CEP63: variants seen among roughly 807,000 people sequenced by gnomAD.
CEP63 encodes centrosomal protein 63.
Under a neutral mutation model 89.1 loss-of-function variants are expected in CEP63, and 84 were observed. The ratio of observed to expected loss-of-function variants is 0.94; its 90% CI spans 0.79 to 1.13. The LOEUF is 1.13. Ranked by LOEUF, CEP63 falls within the 50% of genes most tolerant of loss-of-function variation. The pLI, the probability that CEP63 is intolerant of heterozygous loss-of-function variation, is 0.00. For missense variants in CEP63, 838 were observed against 813.3 expected (o/e 1.03, Z -0.37); for synonymous variants, 267 against 272.5 (o/e 0.98, Z 0.20).
the CEP63 span, among the ~76,000 whole-genome samples, chr3:134,726,297 C>A: frequency 8.5e-5 from 13 of 152,152 alleles, no homozygotes; most frequent in Non-Finnish European, 1.6e-4. Context: ...TTTCTGGGCG[C>A]CACCAGGCCA....
intron 1 of CEP63, among the ~76,000 whole-genome samples, chr3:134,489,158 C>CA (rs765548189): frequency 0.018 from 1,081 of 60,048 alleles, 12 homozygotes; most frequent in East Asian, 0.034. Flanking sequence ...GAGACTGTCT[C>CA]AAAAAAAAAA....
downstream of CEP63, among the ~76,000 whole-genome samples, chr3:134,566,918 A>G (rs1459840282): frequency 6.6e-6 from 1 of 152,234 alleles, no homozygotes; most frequent in African/African-American, 2.4e-5. Flanking sequence ...AATCCTAAAT[A>G]TATGCTCAAG....
At chr3:134,733,940 G>A in the CEP63 span, among the ~76,000 whole-genome samples, 1 of 152,036 alleles carries the variant, frequency 6.6e-6, no homozygotes, top group Non-Finnish European at 1.5e-5. Flanking sequence ...TTATTCAATG[G>A]GGAAAAACTA....
chr3:134,565,035 G>A, downstream of CEP63: 1 of 916,002 alleles, frequency 1.1e-6, no homozygotes, highest in Non-Finnish European at 1.3e-6. Flanking sequence ...GACTAAATCT[G>A]AGTTAGTGTC....
the CEP63 span, among the ~76,000 whole-genome samples, chr3:134,757,631 A>G: frequency 6.6e-6 from 1 of 152,150 alleles, no homozygotes; most frequent in Non-Finnish European, 1.5e-5. Flanking sequence ...ATGAGAAGTA[A>G]CTGAGTTTAA....
At chr3:134,753,225 A>G in the CEP63 span, among the ~76,000 whole-genome samples, 6 of 152,184 alleles carry the variant, frequency 3.9e-5, no homozygotes, top group East Asian at 5.8e-4. Context: ...GCTGAGCTCT[A>G]TATACAGACC....
chr3:134,773,894 G>A, the CEP63 span, among the ~76,000 whole-genome samples: 1 of 152,188 alleles, frequency 6.6e-6, no homozygotes, highest in Non-Finnish European at 1.5e-5. Context: ...TTCTGTGCTT[G>A]TTTTTATGGG....
At chr3:134,490,169 A>G (rs1937118864) in intron 1 of CEP63, among the ~76,000 whole-genome samples, 2 of 152,152 alleles carry the variant, frequency 1.3e-5, no homozygotes, top group Non-Finnish European at 2.9e-5. Context: ...CAGAGTTAGG[A>G]AATATTATAT....
the CEP63 span, among the ~76,000 whole-genome samples, chr3:134,687,176 A>G: frequency 2.0e-5 from 3 of 152,202 alleles, no homozygotes; most frequent in Non-Finnish European, 4.4e-5. Context: ...CTTTCATTGT[A>G]CCAACTTTGG....
chr3:134,685,831 G>T, the CEP63 span, among the ~76,000 whole-genome samples: 1 of 152,228 alleles, frequency 6.6e-6, no homozygotes, highest in African/African-American at 2.4e-5. Flanking sequence ...GAGCTCGTCA[G>T]ATCCACTTTT....
rs1310592236 is a variant in CEP63 at position 134,493,910 on chromosome 3, ATTGTC to A, written c.-25-1383_-25-1379del. ...AGAACCTCTACACCACAGTCTGGTT[ATTGTC>A]TTAAGGGTTTAAGGAAAAAGCATTT... On this transcript the variant is annotated intron_variant, in intron 1 of 14. Coordinates refer to ENST00000675561, the MANE Select transcript of CEP63 (RefSeq NM_001353108.3). Among the ~76,000 whole-genome samples, 7 of 152,276 alleles carry A rather than the reference ATTGTC, an allele frequency of 4.6e-5. No individual in the cohort carries two copies. The East Asian group carries it at 1.4e-3, about 29-fold the overall frequency.
chr3:134,606,358 G>A, the CEP63 span, among the ~76,000 whole-genome samples: 1 of 152,038 alleles, frequency 6.6e-6, no homozygotes, highest in African/African-American at 2.4e-5. Flanking sequence ...TTCCTGCCTC[G>A]CCAGTATCAA....
intron 3 of CEP63, among the ~76,000 whole-genome samples, chr3:134,520,405 G>A (rs1392250415): frequency 6.6e-6 from 1 of 152,096 alleles, no homozygotes; most frequent in African/African-American, 2.4e-5. Flanking sequence ...ATTATGGAGA[G>A]AAATTAAAAC....
chr3:134,551,878 A>G, intron 11 of CEP63, 48 bp from the exon 12 acceptor site: 3 of 1,287,884 alleles, frequency 2.3e-6, no homozygotes, highest in Admixed American at 1.8e-5. Flanking sequence ...TGTAAGATGC[A>G]TGTGATTTAC....
At chr3:134,604,125 G>A in the CEP63 span, 1 of 1,609,572 alleles carries the variant, frequency 6.2e-7, no homozygotes, top group Non-Finnish European at 8.5e-7. Flanking sequence ...AGCTGATGGA[G>A]CAGCGCCCGT....
At chr3:134,518,750 C>CA (rs1239433655) in intron 3 of CEP63, among the ~76,000 whole-genome samples, 2 of 150,778 alleles carry the variant, frequency 1.3e-5, no homozygotes, top group African/African-American at 2.4e-5. Context: ...TCAAGAAAAA[C>CA]AAAAAAACCC....
rs759139529 is a variant in CEP63 at position 134,546,168 on chromosome 3, G to A, written c.809G>A (p.Arg270Lys). Reference sequence around the variant, plus strand: ...TTGCAGGCTCTGCAGGAAGAAAAGAGAGAATTGAAGGCAGCTCTTCAGTCT... The same window carrying A: ...TTGCAGGCTCTGCAGGAAGAAAAGAAAGAATTGAAGGCAGCTCTTCAGTCT... ...KLLEALQEEK[R>K]ELKAALQSQE... The change falls in exon 8 of 15, where the codon AGA (arginine) becomes AAA (lysine). Residue 270 changes from arginine to lysine, a missense_variant. Physicochemically the swap from Arg to Lys is conservative, Grantham distance 26. Transcript: ENST00000675561. The A allele has an allele frequency of 6.2e-7, 1 of 1,613,816 alleles. No homozygotes were observed. The highest frequency in any genetic ancestry group is 8.5e-7 in the Non-Finnish European group (1 of 1,179,940).
intron 2 of CEP63, among the ~76,000 whole-genome samples, chr3:134,504,569 A>G (rs1273975516): frequency 6.6e-6 from 1 of 152,194 alleles, no homozygotes; most frequent in Non-Finnish European, 1.5e-5. Context: ...TTTGACTATA[A>G]TGTGCCTTAG....
At chr3:134,592,677 C>T (rs1289779923), downstream of CEP63, among the ~76,000 whole-genome samples, 2 of 152,088 alleles carry the variant, frequency 1.3e-5, no homozygotes, top group Admixed American at 1.3e-4. Context: ...AAAAGTCAGC[C>T]AGCCAGGTTT....
Sources: allele counts gnomAD v4.1 joint callset (sites outside exome capture counted in the v4.1 genomes callset), GRCh38; gene constraint gnomAD v4.1.1; transcripts MANE v1.5; gene names NCBI Gene and HGNC (gene_info 2026-07-23, HGNC 2026-07-21).